Variants in RBFOX1 observed in about 807,000 individuals in gnomAD.
RBFOX1 encodes the protein RNA binding protein fox-1 homolog 1.
A neutral mutation model predicts 57.7 loss-of-function variants in RBFOX1; 8 were observed. The observed-to-expected ratio is 0.14, with a 90% CI of 0.08 to 0.25. The LOEUF is 0.25. Ranked by LOEUF, RBFOX1 falls within the 10% of genes least tolerant of loss-of-function variation. RBFOX1 has a pLI of 1.00. For synonymous variants in RBFOX1, 326 were observed against 222.4 expected (o/e 1.47, Z -4.15); for missense variants, 611 against 548.5 (o/e 1.11, Z -1.14).
intron 4 of RBFOX1, among the ~76,000 whole-genome samples, chr16:7,333,797 C>G (rs559607296): frequency 1.3e-5 from 2 of 151,886 alleles, no homozygotes; most frequent in East Asian, 1.9e-4. Flanking sequence ...ATAAGGTTTT[C>G]TTTGCAAGCA....
chr16:7,483,014 G>T (rs2064403977), intron 4 of RBFOX1, among the ~76,000 whole-genome samples: 1 of 152,138 alleles, frequency 6.6e-6, no homozygotes, highest in South Asian at 2.1e-4. Context: ...CCCAGGTCAT[G>T]AACCTGGGCC....
intron 2 of RBFOX1, among the ~76,000 whole-genome samples, chr16:6,493,818 T>G (rs1252425251): frequency 6.6e-6 from 1 of 152,244 alleles, no homozygotes; most frequent in Admixed American, 6.5e-5. Context: ...TCACTTCCTT[T>G]AAACACGCCA....
chr16:6,993,316 A>G (rs895813648), intron 3 of RBFOX1, among the ~76,000 whole-genome samples: 2 of 152,222 alleles, frequency 1.3e-5, no homozygotes, highest in Non-Finnish European at 2.9e-5. Context: ...TCTCTTGAAA[A>G]AGATAACACA....
At chr16:7,692,205 G>T (rs566776413) in intron 14 of RBFOX1, among the ~76,000 whole-genome samples, 3 of 152,036 alleles carry the variant, frequency 2.0e-5, no homozygotes, top group Non-Finnish European at 4.4e-5. Context: ...TGTTATGTAG[G>T]AGAAAAGTAC....
At chr16:7,071,349 T>C (rs1438438713) in intron 4 of RBFOX1, among the ~76,000 whole-genome samples, 1 of 152,028 alleles carries the variant, frequency 6.6e-6, no homozygotes, top group Non-Finnish European at 1.5e-5. Flanking sequence ...GAAAATGCGA[T>C]TTGTTAGTCA....
chr16:7,597,325 A>G (rs915579016), intron 8 of RBFOX1, 46 bp from the exon 9 acceptor site: 3 of 1,414,378 alleles, frequency 2.1e-6, no homozygotes, highest in Non-Finnish European at 2.0e-6. Flanking sequence ...TTGAATTGGG[A>G]GCTGGCCCTA....
chr16:6,450,824 T>TATAC (rs1567303586), intron 2 of RBFOX1, among the ~76,000 whole-genome samples: 1 of 33,240 alleles, frequency 3.0e-5, no homozygotes, highest in African/African-American at 1.6e-4. Context: ...TATACATATA[T>TATAC]ATATATATAT....
At chr16:6,816,452 G>T (rs1386993443) in intron 3 of RBFOX1, among the ~76,000 whole-genome samples, 8 of 149,820 alleles carry the variant, frequency 5.3e-5, no homozygotes, top group Non-Finnish European at 1.2e-4. Context: ...AAGAAACAGG[G>T]TCTTGTTGGC....
chr16:6,546,810 G>C (rs559203087), intron 2 of RBFOX1, among the ~76,000 whole-genome samples: 1 of 152,150 alleles, frequency 6.6e-6, no homozygotes, highest in African/African-American at 2.4e-5. Flanking sequence ...TGGGGTCATA[G>C]GCTCCATAAT....
chr16:5,265,307 A>G (rs1231753853), intron 1 of RBFOX1, among the ~76,000 whole-genome samples: 2 of 151,076 alleles, frequency 1.3e-5, no homozygotes, highest in African/African-American at 4.9e-5. Flanking sequence ...CGGTACAGCC[A>G]TGAACCACCC....
At chr16:5,292,456 T>A (rs745400983) in intron 1 of RBFOX1, among the ~76,000 whole-genome samples, 1 of 152,188 alleles carries the variant, frequency 6.6e-6, no homozygotes, top group South Asian at 2.1e-4. Context: ...TCAGCCATGT[T>A]GTTAATCCAC....
intron 1 of RBFOX1, among the ~76,000 whole-genome samples, chr16:6,315,973 G>A (rs114469075): frequency 1.2e-3 from 175 of 152,142 alleles, no homozygotes; most frequent in African/African-American, 4.0e-3. Flanking sequence ...TTAGGAAAGG[G>A]GGTATATTGT....
intron 4 of RBFOX1, among the ~76,000 whole-genome samples, chr16:7,232,225 T>C (rs1312386008): frequency 2.0e-5 from 3 of 152,168 alleles, no homozygotes; most frequent in African/African-American, 7.2e-5. Context: ...GGTTTCACCA[T>C]GTTGGCCAGG....
chr16:7,013,324 C>T lies in RBFOX1; in HGVS notation c.-15-38733C>T, dbSNP rs566566444. Among the ~76,000 whole-genome samples the T allele has an allele frequency of 2.6e-5, 4 of 152,272 alleles. No homozygotes were observed. In the South Asian group the frequency reaches 8.3e-4, roughly 32 times the overall value. On this transcript the variant is annotated intron_variant, in intron 3 of 15. Transcript: ENST00000550418. ...TAGGAGCTTAACTCAGTGTTCTGCTCATGTTATACGTGCAATAAACATAAA... is the reference window on the plus strand; with the variant it reads ...TAGGAGCTTAACTCAGTGTTCTGCTTATGTTATACGTGCAATAAACATAAA...
At chr16:6,627,450 G>T (rs1391024878) in intron 2 of RBFOX1, among the ~76,000 whole-genome samples, 1 of 152,150 alleles carries the variant, frequency 6.6e-6, no homozygotes, top group Admixed American at 6.5e-5. Flanking sequence ...CATCAGAAAA[G>T]TCTCTATGAT....
chr16:6,748,263 CTT>C (rs1426604142), intron 3 of RBFOX1, among the ~76,000 whole-genome samples: 1 of 151,988 alleles, frequency 6.6e-6, no homozygotes, highest in African/African-American at 2.4e-5. Context: ...CTTCTTTTCT[CTT>C]TCTCTCTCTC....
At chr16:6,669,225 C>T (rs902404668) in intron 3 of RBFOX1, among the ~76,000 whole-genome samples, 1 of 152,154 alleles carries the variant, frequency 6.6e-6, no homozygotes, top group African/African-American at 2.4e-5. Context: ...GATGCAATAA[C>T]AACAGAATTC....
chr16:6,941,750 A>G (rs989959204), intron 3 of RBFOX1, among the ~76,000 whole-genome samples: 1 of 152,312 alleles, frequency 6.6e-6, no homozygotes, highest in Middle Eastern at 3.4e-3. Context: ...TGTGGTAACT[A>G]TACCAAGCAA....
chr16:5,543,647 C>T (rs2045060279), intron 2 of RBFOX1, among the ~76,000 whole-genome samples: 1 of 152,000 alleles, frequency 6.6e-6, no homozygotes. Flanking sequence ...AAAATTTTTC[C>T]ACATTTCATG....
Sources: allele counts gnomAD v4.1 joint callset (sites outside exome capture counted in the v4.1 genomes callset), GRCh38; gene constraint gnomAD v4.1.1; transcripts MANE v1.5; gene names NCBI Gene and HGNC (gene_info 2026-07-23, HGNC 2026-07-21).